The following COBL variants were observed in gnomAD, a reference collection of about 807,000 sequenced individuals.
COBL encodes cordon-bleu WH2 repeat protein.
COBL carries 51 observed loss-of-function variants against 98.8 expected under a neutral mutation model. That is an observed-to-expected ratio of 0.52 (90% CI 0.41 to 0.65). The LOEUF (loss-of-function observed/expected upper bound fraction) is 0.65. COBL is among the 30% of genes least tolerant of loss of function. The pLI, the probability that COBL is intolerant of heterozygous loss-of-function variation, is 0.00. For missense variants in COBL, 1,617 were observed against 1,617.5 expected (o/e 1.00, Z 0.01); for synonymous variants, 634 against 651.7 (o/e 0.97, Z 0.41).
In COBL at chr7:51,248,520, G is replaced by A. The variant is rs117839616; in HGVS notation, c.42-28576C>T. On this transcript the variant is annotated intron_variant, in intron 1 of 12. Transcript: ENST00000265136. Reference sequence around the variant, plus strand: ...CACATTCAGTTGGATGGTACAAGACGGAGGATAGGGGTCTAAAAATGTGTA... The same window carrying A: ...CACATTCAGTTGGATGGTACAAGACAGAGGATAGGGGTCTAAAAATGTGTA... Among the ~76,000 whole-genome samples the A allele has an allele frequency of 4.9e-4, 74 of 152,256 alleles. 1 individual carries two copies. The East Asian group carries it at 0.012, about 25-fold the overall frequency.
At position 51,253,991 on chromosome 7, in the gene COBL, G is replaced by A. The variant is rs527557695; in HGVS notation, c.42-34047C>T. On this transcript the variant is annotated intron_variant, in intron 1 of 12. Transcript: ENST00000265136. Reference sequence around the variant, plus strand: ...TTCAAAATCAAAATTATATAAGCAAGCCATATTCAAAGAAATCTAATTCCT... The same window carrying A: ...TTCAAAATCAAAATTATATAAGCAAACCATATTCAAAGAAATCTAATTCCT... 6.6e-5 allele frequency among the ~76,000 whole-genome samples: 10 copies of A among 151,834 alleles called. No individual in the cohort carries two copies. The East Asian group carries it at 1.9e-3, about 29-fold the overall frequency.
At chr7:51,184,303 A>C in intron 4 of COBL, 104 bp from the exon 5 acceptor site, 5 of 632,998 alleles carry the variant, frequency 7.9e-6, no homozygotes, top group Middle Eastern at 5.3e-4. Context: ...TTAAACTTTT[A>C]GTTCTTGTAA....
intron 1 of COBL, among the ~76,000 whole-genome samples, chr7:51,287,779 A>G (rs572659376): frequency 1.2e-4 from 18 of 152,280 alleles, no homozygotes; most frequent in African/African-American, 3.6e-4. Flanking sequence ...TGGTGGACCC[A>G]TATGATAGAA....
At chr7:51,296,580 G>A (rs1256401560) in intron 1 of COBL, among the ~76,000 whole-genome samples, 1 of 151,748 alleles carries the variant, frequency 6.6e-6, no homozygotes, top group African/African-American at 2.4e-5. Context: ...AACTTTTTTG[G>A]GGGGCAAATA....
chr7:51,132,677 G>C (rs1400975488), intron 6 of COBL, among the ~76,000 whole-genome samples: 2 of 152,198 alleles, frequency 1.3e-5, no homozygotes, highest in Admixed American at 6.5e-5. Context: ...CAAAGAAAAA[G>C]GGTTTAATTG....
intron 8 of COBL, among the ~76,000 whole-genome samples, chr7:51,038,759 C>T (rs138291576): frequency 6.6e-6 from 1 of 152,298 alleles, no homozygotes; most frequent in Non-Finnish European, 1.5e-5. Context: ...ATGTCTGGGG[C>T]TATCAGGGAC....
At chr7:51,284,605 G>C (rs1215678525) in intron 1 of COBL, among the ~76,000 whole-genome samples, 1 of 151,820 alleles carries the variant, frequency 6.6e-6, no homozygotes, top group Admixed American at 6.5e-5. Context: ...GAGGCAGGTG[G>C]ATCATGAGGT....
At chr7:51,050,815 C>A (rs1790162780) in intron 7 of COBL, among the ~76,000 whole-genome samples, 1 of 152,124 alleles carries the variant, frequency 6.6e-6, no homozygotes, top group South Asian at 2.1e-4. Flanking sequence ...TAAAAAATCG[C>A]CACAAAACCC....
At chr7:51,277,358 G>A (rs11772226) in intron 1 of COBL, among the ~76,000 whole-genome samples, 55,224 of 152,102 alleles carry the variant, frequency 0.36, 10,702 homozygotes, top group Non-Finnish European at 0.43. Context: ...ACATGTGCTT[G>A]TGAGGGAAGG....
intron 7 of COBL, among the ~76,000 whole-genome samples, chr7:51,075,855 T>C (rs1793020942): frequency 6.6e-6 from 1 of 152,324 alleles, no homozygotes; most frequent in Non-Finnish European, 1.5e-5. Context: ...CTATGTTGGG[T>C]TGACTTAATG....
intron 1 of COBL, among the ~76,000 whole-genome samples, chr7:51,289,492 G>A (rs554991783): frequency 4.6e-5 from 7 of 152,262 alleles, no homozygotes; most frequent in East Asian, 1.9e-4. Flanking sequence ...TGCCTACAAC[G>A]GAGCTCTGCC....
intron 8 of COBL, among the ~76,000 whole-genome samples, chr7:51,038,921 C>T (rs528691933): frequency 8.5e-5 from 13 of 152,304 alleles, no homozygotes; most frequent in Admixed American, 5.9e-4. Flanking sequence ...ACATCTTTGT[C>T]GTTTGCCATG....
At chr7:51,115,911 A>G (rs998546009) in intron 6 of COBL, among the ~76,000 whole-genome samples, 1 of 152,120 alleles carries the variant, frequency 6.6e-6, no homozygotes, top group African/African-American at 2.4e-5. Flanking sequence ...GTACATACAC[A>G]TATATATGAG....
intron 1 of COBL, among the ~76,000 whole-genome samples, chr7:51,303,439 T>C (rs1290572074): frequency 6.6e-6 from 1 of 152,042 alleles, no homozygotes; most frequent in African/African-American, 2.4e-5. Flanking sequence ...GACTTGACCA[T>C]GCATGCAGAG....
intron 1 of COBL, among the ~76,000 whole-genome samples, chr7:51,232,084 G>T (rs553109025): frequency 6.6e-6 from 1 of 152,278 alleles, no homozygotes; most frequent in Admixed American, 6.5e-5. Flanking sequence ...GGACCGTTCT[G>T]GTAGACGATG....
chr7:51,043,336 A>G (rs752915833), intron 8 of COBL, 47 bp downstream of exon 8: 1 of 1,562,676 alleles, frequency 6.4e-7, no homozygotes, highest in South Asian at 1.1e-5. Flanking sequence ...TTAGAGACAC[A>G]GATGTGGCTG....
intron 7 of COBL, among the ~76,000 whole-genome samples, chr7:51,074,660 A>G (rs1330605293): frequency 6.6e-6 from 1 of 152,192 alleles, no homozygotes; most frequent in African/African-American, 2.4e-5. Context: ...AGTTGTGATT[A>G]TTTGCATCAG....
In COBL at chr7:51,179,037, T is replaced by C. The variant is rs909531637; in HGVS notation, c.783+5065A>G. On this transcript the variant is annotated intron_variant, in intron 5 of 12. Coordinates refer to ENST00000265136, the MANE Select transcript of COBL (RefSeq NM_015198.5). ...ATCAAGTGTTTCAAGCCTTTGACAT[T>C]TGACAAACTTCCTAAAATGAAACTT... Among the ~76,000 whole-genome samples the C allele has an allele frequency of 3.3e-5, 5 of 152,338 alleles. No individual in the cohort carries two copies. In the South Asian group the frequency reaches 6.2e-4, roughly 19 times the overall value.
chr7:51,235,070 C>T (rs1795120728), intron 1 of COBL, among the ~76,000 whole-genome samples: 1 of 152,210 alleles, frequency 6.6e-6, no homozygotes, highest in Admixed American at 6.5e-5. Context: ...ACGCTCATGC[C>T]TGTTCCTATG....
Sources: gnomAD v4.1 joint callset for allele counts (sites outside exome capture counted in the v4.1 genomes callset) on GRCh38, gnomAD v4.1.1 for gene constraint, MANE v1.5 for transcripts, NCBI Gene and HGNC (gene_info 2026-07-23, HGNC 2026-07-21) for gene names.